Variants in NAV3 observed in about 807,000 individuals in gnomAD.
NAV3 encodes pore membrane and/or filament interacting like protein 1.
NAV3 carries 87 observed loss-of-function variants against 244.7 expected under a neutral mutation model. That is an observed-to-expected ratio of 0.36 (90% CI 0.30 to 0.42). The LOEUF (loss-of-function observed/expected upper bound fraction) is 0.42. NAV3 is among the 20% of genes least tolerant of loss of function. The probability of loss-of-function intolerance (pLI) is 1.00; values close to 1 mark genes in which losing one functional copy is unlikely to be tolerated. For synonymous variants in NAV3, 1,126 were observed against 1,042.2 expected, an observed-to-expected ratio of 1.08 and a Z score of -1.55; for missense variants, 2,663 against 2,893.3, an observed-to-expected ratio of 0.92 and a Z score of 1.83.
At chr12:77,772,744 C>A (rs932828478) in intron 2 of NAV3, among the ~76,000 whole-genome samples, 6 of 152,084 alleles carry the variant, frequency 3.9e-5, no homozygotes, top group Admixed American at 6.6e-5. Flanking sequence ...ATGGCTCGAG[C>A]AGTTGGAATC....
Position 78,050,822 on chromosome 12 carries a change from C to A in NAV3, c.2191C>A (p.Pro731Thr), listed in dbSNP as rs2137246800. ...VTTEVNGRTI[P>T]NLTSRPTPMT... ...AACAGAAGTTAATGGAAGGACCATA[C>A]CCAACTTGACAAGTCGACCCACCCC... The change falls in exon 11 of 40, where the codon CCC becomes ACC. Residue 731 changes from proline to threonine, a missense_variant. Pro to Thr is a conservative substitution (Grantham distance 38). Around this residue, in one of 6 missense-constraint regions of NAV3, gnomAD observed 1,521 missense variants for 1,497.0 expected, o/e 1.02. Coordinates refer to ENST00000397909, the MANE Select transcript of NAV3 (RefSeq NM_001024383.2). The A allele has an allele frequency of 2.5e-6, 4 of 1,613,498 alleles. No individual in the cohort carries two copies. Among genetic ancestry groups the A allele is most frequent in the Non-Finnish European group, 3.4e-6 (4 of 1,179,584 alleles).
chr12:78,030,014 G>A (rs1878712729), intron 9 of NAV3, among the ~76,000 whole-genome samples: 1 of 152,088 alleles, frequency 6.6e-6, no homozygotes, highest in Non-Finnish European at 1.5e-5. Context: ...TTTTAAAAAT[G>A]TATAGAATTA....
chr12:77,778,545 G>A (rs1178329102), intron 2 of NAV3, among the ~76,000 whole-genome samples: 1 of 149,648 alleles, frequency 6.7e-6, no homozygotes, highest in Non-Finnish European at 1.5e-5. Context: ...TCAGGAGACA[G>A]AGCTTGCAGT....
At chr12:78,190,779 C>A (rs190563985) in intron 34 of NAV3, among the ~76,000 whole-genome samples, 1 of 152,034 alleles carries the variant, frequency 6.6e-6, no homozygotes, top group African/African-American at 2.4e-5. Context: ...CCACCATCTA[C>A]GGTCTAATGT....
intron 8 of NAV3, among the ~76,000 whole-genome samples, chr12:78,009,813 A>T (rs1164191429): frequency 6.6e-6 from 1 of 152,228 alleles, no homozygotes; most frequent in South Asian, 2.1e-4. Flanking sequence ...GAAAGATTAA[A>T]GAAAATAATC....
chr12:77,940,528 T>G, intron 2 of NAV3, 92 bp downstream of exon 2: 1 of 868,810 alleles, frequency 1.2e-6, no homozygotes, highest in Non-Finnish European at 1.8e-6. Flanking sequence ...ACTGAACTGG[T>G]CCATGTGTCT....
chr12:77,830,529 CTT>C (rs1261819011), upstream of NAV3, among the ~76,000 whole-genome samples: 2 of 152,174 alleles, frequency 1.3e-5, no homozygotes, highest in Admixed American at 6.6e-5. Context: ...ATAATCATGA[CTT>C]ATTAAATTTG....
chr12:77,738,881 G>A (rs1868275013), intron 2 of NAV3, among the ~76,000 whole-genome samples: 3 of 151,902 alleles, frequency 2.0e-5, no homozygotes, highest in African/African-American at 4.8e-5. Flanking sequence ...GCTTGGGGGC[G>A]GGCGCCTGTA....
intron 3 of NAV3, among the ~76,000 whole-genome samples, chr12:77,965,137 G>T (rs954720232): frequency 6.6e-6 from 1 of 152,128 alleles, no homozygotes. Flanking sequence ...AGAATCTAAA[G>T]ATTTATAGAA....
chr12:77,686,763 G>C (rs2137139322), intron 2 of NAV3, among the ~76,000 whole-genome samples: 1 of 152,200 alleles, frequency 6.6e-6, no homozygotes, highest in Admixed American at 6.5e-5. Context: ...TGACTTTACA[G>C]TACGAGGTCT....
At chr12:77,894,635 A>C (rs1202279437) in intron 1 of NAV3, among the ~76,000 whole-genome samples, 4 of 152,236 alleles carry the variant, frequency 2.6e-5, no homozygotes, top group Admixed American at 6.5e-5. Flanking sequence ...TTGCAAACTC[A>C]AATAAATGTC....
chr12:77,705,107 T>TAAAAC (rs1219541580), intron 2 of NAV3, among the ~76,000 whole-genome samples: 2 of 151,884 alleles, frequency 1.3e-5, no homozygotes, highest in Admixed American at 6.6e-5. Context: ...CTTTTAAGAG[T>TAAAAC]AAAACAAAAC....
At chr12:77,980,728 G>C (rs781052433) in intron 5 of NAV3, among the ~76,000 whole-genome samples, 5 of 152,134 alleles carry the variant, frequency 3.3e-5, no homozygotes, top group African/African-American at 4.8e-5. Context: ...CCACAGAACA[G>C]CATTGTAGCG....
chr12:77,976,519 C>T lies in NAV3; in HGVS notation c.671+7817C>T, dbSNP rs935182903. ...TGTCCTGGAAAGCAGGTGCAGAAAG[C>T]GTTCAATGGAGAGACAGATCAATAG... On this transcript the variant is annotated intron_variant, in intron 5 of 39. Coordinates refer to ENST00000397909, the MANE Select transcript of NAV3 (RefSeq NM_001024383.2). Among the ~76,000 whole-genome samples, 6 of 139,946 alleles carry T rather than the reference C, an allele frequency of 4.3e-5. No individual in the cohort carries two copies. In the East Asian group the frequency reaches 6.4e-4, roughly 15 times the overall value. 91.8% of individuals were successfully genotyped at this position (139,946 alleles called of 152,430 possible).
intron 2 of NAV3, among the ~76,000 whole-genome samples, chr12:77,719,369 TC>T (rs1876508303): frequency 1.3e-5 from 2 of 152,176 alleles, no homozygotes; most frequent in African/African-American, 4.8e-5. Context: ...AGAGTAGGAA[TC>T]TTTGCCCTTT....
chr12:77,940,381 C>T lies in NAV3; in HGVS notation c.306C>T (p.Asp102=), dbSNP rs769094045. Residue 102 remains aspartate, a synonymous_variant, in exon 2 of 40, where the codon GAC becomes GAT. Coordinates refer to ENST00000397909, the MANE Select transcript of NAV3 (RefSeq NM_001024383.2). ...AKSGHKRLIK[D]LQQDIADGVL... ...CAGGCCACAAGCGGCTGATCAAGGA[C>T]TTGCAACAAGACATTGCAGATGGAG... 2 of 1,613,944 alleles carry T rather than the reference C, an allele frequency of 1.2e-6. No homozygotes were observed. Among genetic ancestry groups the T allele is most frequent in the South Asian group, 1.1e-5 (1 of 91,084 alleles).
At chr12:78,091,409 A>G (rs922712093) in intron 12 of NAV3, 2 of 152,212 alleles carry the variant, frequency 1.3e-5, no homozygotes, top group African/African-American at 2.4e-5. Context: ...AATTGATTCT[A>G]TGAGAAATAT....
At chr12:77,634,035 A>G (rs1872042073) in intron 2 of NAV3, among the ~76,000 whole-genome samples, 1 of 152,098 alleles carries the variant, frequency 6.6e-6, no homozygotes, top group South Asian at 2.1e-4. Flanking sequence ...TAATAAATTT[A>G]TTGCTAAAGT....
intron 9 of NAV3, among the ~76,000 whole-genome samples, chr12:78,038,082 T>A (rs1418690710): frequency 2.6e-5 from 4 of 152,228 alleles, no homozygotes; most frequent in African/African-American, 9.6e-5. Context: ...TGAGTTTCAG[T>A]AGTAACTTCT....
Sources: gnomAD v4.1 joint callset for allele counts (sites outside exome capture counted in the v4.1 genomes callset) on GRCh38, gnomAD v4.1.1 for gene constraint, gnomAD v4.1.1 regional missense constraint, MANE v1.5 for transcripts, NCBI Gene and HGNC (gene_info 2026-07-23, HGNC 2026-07-21) for gene names.